RGMA: variants seen among roughly 807,000 people sequenced by gnomAD.
RGMA encodes repulsive guidance molecule A.
RGMA carries 10 observed loss-of-function variants against 23.2 expected under a neutral mutation model. The observed-to-expected ratio is 0.43, with a 90% confidence interval of 0.27 to 0.73. The LOEUF is 0.73. Ranked by LOEUF, RGMA falls within the 30% of genes least tolerant of loss-of-function variation. The pLI, the probability that RGMA is intolerant of heterozygous loss-of-function variation, is 0.20. For synonymous variants in RGMA, 308 were observed against 279.3 expected, an observed-to-expected ratio of 1.10 and a Z score of -1.03; for missense variants, 547 against 630.5, an observed-to-expected ratio of 0.87 and a Z score of 1.42.
In RGMA at chr15:93,041,461, A is replaced by G. The variant is rs1046112216; in HGVS notation, c.*3537T>C. 2 of 152,208 alleles carry G rather than the reference A, an allele frequency of 1.3e-5. No individual in the cohort carries two copies. Among genetic ancestry groups the G allele is most frequent in the Non-Finnish European group, 1.5e-5 (1 of 68,038 alleles). 9.4% of individuals were successfully genotyped at this position (152,208 alleles called of 1,614,324 possible). A position where few individuals can be genotyped will look rare whatever the true frequency, so the allele number is the denominator to read the frequency against. On this transcript the variant is annotated 3_prime_UTR_variant, in exon 4 of 4. Transcript: ENST00000329082. ...GTTCCATATTCACGACGGCATTTCC[A>G]TGCTCGTGAGGGCAACCAGTAGTAA...
intron 1 of RGMA, among the ~76,000 whole-genome samples, chr15:93,086,898 T>G (rs934231744): frequency 6.6e-6 from 1 of 152,184 alleles, no homozygotes; most frequent in African/African-American, 2.4e-5. Flanking sequence ...AGAGGTTTCT[T>G]AGCAAAAGTC....
intron 2 of RGMA, among the ~76,000 whole-genome samples, chr15:93,072,573 C>G (rs368480413): frequency 6.6e-6 from 1 of 152,294 alleles, no homozygotes; most frequent in African/African-American, 2.4e-5. Flanking sequence ...GCACCGAGGG[C>G]GTGCCTCCCC....
At chr15:93,057,355 G>A (rs148370815) in intron 2 of RGMA, among the ~76,000 whole-genome samples, 3 of 152,266 alleles carry the variant, frequency 2.0e-5, no homozygotes, top group East Asian at 1.9e-4. Context: ...GAGCCCCCAC[G>A]ACAGGGTTGG....
intron 3 of RGMA, among the ~76,000 whole-genome samples, chr15:93,047,695 A>G (rs2054847270): frequency 6.6e-6 from 1 of 151,984 alleles, no homozygotes. Flanking sequence ...AGCAAGGGGG[A>G]GCTGCTGATG....
intron 2 of RGMA, among the ~76,000 whole-genome samples, chr15:93,072,687 A>G (rs1428271745): frequency 1.3e-5 from 2 of 151,906 alleles, no homozygotes; most frequent in African/African-American, 4.8e-5. Context: ...CCCTCCCCAC[A>G]CGGCTCCATC....
At position 93,073,260 on chromosome 15, in the gene RGMA, GC is replaced by G. The variant is rs1226694360; in HGVS notation, c.15-230del. 6.2e-6 allele frequency: 6 copies of G among 965,796 alleles called. No homozygotes were observed. In the South Asian group the frequency reaches 3.0e-4, roughly 48 times the overall value. The allele number at this position is 965,796 out of a possible 1,614,324, so 59.8% of individuals were successfully genotyped here. A position where few individuals can be genotyped will look rare whatever the true frequency, so the allele number is the denominator to read the frequency against. On this transcript the variant is annotated intron_variant, in intron 1 of 3. Coordinates refer to ENST00000329082, the MANE Select transcript of RGMA (RefSeq NM_020211.3). ...CCCGCGCCCCAGCCGCCTGCGCACC[GC>G]CCCCTCGCGCTCGGGTTTCAGCGAG...
At chr15:93,073,524 A>C (rs1895410474) in intron 1 of RGMA, 1 of 1,436,194 alleles carries the variant, frequency 7.0e-7, no homozygotes, top group Non-Finnish European at 9.3e-7. Flanking sequence ...TATCCAATCC[A>C]AGTAGAAAAA....
intron 2 of RGMA, among the ~76,000 whole-genome samples, chr15:93,063,745 T>G (rs990415678): frequency 3.3e-5 from 5 of 152,198 alleles, no homozygotes; most frequent in Non-Finnish European, 7.4e-5. Flanking sequence ...TCCCACCCTT[T>G]GAATCCACTG....
chr15:93,087,480 A>AAAAAAAAC (rs1567198095), intron 1 of RGMA, among the ~76,000 whole-genome samples: 2 of 151,012 alleles, frequency 1.3e-5, no homozygotes, highest in African/African-American at 4.9e-5. Context: ...AAAAAAAAAA[A>AAAAAAAAC]AAAACCACAA....
rs770055915 is a variant in RGMA at position 93,051,997 on chromosome 15, C to T, written c.641G>A (p.Ser214Asn). 2 of 1,599,994 alleles carry T rather than the reference C, an allele frequency of 1.3e-6. No individual in the cohort carries two copies. Among genetic ancestry groups the T allele is most frequent in the Non-Finnish European group, 1.7e-6 (2 of 1,174,674 alleles). Reference sequence around the variant, plus strand: ...CAGCCGCCCCCTCCCCCTTACCTTGCTGGTGGCAGTGGCCGCTGAGCCGGG... The same window carrying T: ...CAGCCGCCCCCTCCCCCTTACCTTGTTGGTGGCAGTGGCCGCTGAGCCGGG... ...VLPGSAATAT[S>N]KLTIIFKNFQ... Residue 214 changes from serine (S) to asparagine (N), a missense_variant, in exon 3 of 4, where the codon AGC (serine) becomes AAC (asparagine). Physicochemically the swap from Ser to Asn is conservative, Grantham distance 46. Coordinates refer to ENST00000329082, the MANE Select transcript of RGMA (RefSeq NM_020211.3).
intron 2 of RGMA, among the ~76,000 whole-genome samples, chr15:93,068,873 G>A (rs1443262980): frequency 6.6e-6 from 1 of 152,232 alleles, no homozygotes; most frequent in Admixed American, 6.5e-5. Context: ...TCTGCCCTGT[G>A]AGGACAGAGC....
At chr15:93,053,590 A>T (rs982001643) in intron 2 of RGMA, among the ~76,000 whole-genome samples, 2 of 152,238 alleles carry the variant, frequency 1.3e-5, no homozygotes, top group African/African-American at 4.8e-5. Flanking sequence ...ATTGAGTTGC[A>T]CATAAAACCA....
chr15:93,072,458 G>T (rs530978947), intron 2 of RGMA, among the ~76,000 whole-genome samples: 2 of 152,188 alleles, frequency 1.3e-5, no homozygotes, highest in Non-Finnish European at 1.5e-5. Flanking sequence ...CGGGGAGGGG[G>T]CTGTCGGGAA....
rs1596075060 is a variant in RGMA, at chr15:93,043,419, C to T, written c.*1579G>A. The T allele has an allele frequency of 2.6e-5, 4 of 152,512 alleles. No homozygotes were observed. In the Middle Eastern group the frequency reaches 0.01, roughly 389 times the overall value. The allele number at this position is 152,512 out of a possible 1,614,324, so 9.4% of individuals were successfully genotyped here. A position where few individuals can be genotyped will look rare whatever the true frequency, so the allele number is the denominator to read the frequency against. On this transcript the variant is annotated 3_prime_UTR_variant, in exon 4 of 4. Coordinates refer to ENST00000329082, the MANE Select transcript of RGMA (RefSeq NM_020211.3). Reference sequence around the variant, plus strand: ...CTCCAACACGTCTAAAAGAAAATAACAAAAAAACCAAACTTTACTTGCATT... The same window carrying T: ...CTCCAACACGTCTAAAAGAAAATAATAAAAAAACCAAACTTTACTTGCATT...
chr15:93,075,381 G>T (rs1263351249), intron 1 of RGMA, among the ~76,000 whole-genome samples: 4 of 151,822 alleles, frequency 2.6e-5, no homozygotes, highest in Non-Finnish European at 4.4e-5. Context: ...TTCCTTTTTA[G>T]GAACAGTATC....
chr15:93,046,761 G>A (rs895180389), intron 3 of RGMA, among the ~76,000 whole-genome samples: 6 of 152,112 alleles, frequency 3.9e-5, no homozygotes, highest in African/African-American at 1.2e-4. Context: ...GCAAGGTGCT[G>A]GTCGGTAAAA....
chr15:93,041,664 G>C lies in RGMA; in HGVS notation c.*3334C>G, dbSNP rs560131078. The C allele has an allele frequency of 2.2e-4, 33 of 152,096 alleles. No individual in the cohort carries two copies. The highest frequency in any genetic ancestry group is 2.2e-3 in the Admixed American group (33 of 15,272). The allele number at this position is 152,096 out of a possible 1,614,324, so 9.4% of individuals were successfully genotyped here. A position where few individuals can be genotyped will look rare whatever the true frequency, so the allele number is the denominator to read the frequency against. On this transcript the variant is annotated 3_prime_UTR_variant, in exon 4 of 4. Transcript: ENST00000329082. Reference sequence around the variant, plus strand: ...TCAGGAACTGTTCTCTGTGCCGGACGAGCACCAATGGCTCCGCTCCTCCTT... The same window carrying C: ...TCAGGAACTGTTCTCTGTGCCGGACCAGCACCAATGGCTCCGCTCCTCCTT...
At position 93,052,087 on chromosome 15, in the gene RGMA, T is replaced by C; in HGVS notation, c.551A>G (p.Gln184Arg). The change falls in exon 3 of 4, where the codon CAG (glutamine) becomes CGG (arginine). Residue 184 changes from glutamine (Q) to arginine (R), a missense_variant. Gln to Arg is a conservative substitution (Grantham distance 43). Coordinates refer to ENST00000329082, the MANE Select transcript of RGMA (RefSeq NM_020211.3). ...FTDRFQTCKV[Q>R]GAWPLIDNNY... Reference sequence around the variant, plus strand: ...ATTGTCGATGAGCGGCCAGGCGCCCTGCACCTTGCAGGTCTGGAAGCGGTC... The same window carrying C: ...ATTGTCGATGAGCGGCCAGGCGCCCCGCACCTTGCAGGTCTGGAAGCGGTC... 1 of 1,613,564 alleles carries C rather than the reference T, an allele frequency of 6.2e-7. No homozygotes were observed. Among genetic ancestry groups the C allele is most frequent in the Non-Finnish European group, 8.5e-7 (1 of 1,179,718 alleles).
intron 2 of RGMA, chr15:93,066,633 G>A (rs1028914106): frequency 3.4e-5 from 15 of 442,618 alleles, no homozygotes; most frequent in East Asian, 7.0e-5. Flanking sequence ...CACCACCGCC[G>A]CCGCCTCCAC....
Sources: allele counts gnomAD v4.1 joint callset (sites outside exome capture counted in the v4.1 genomes callset), GRCh38; gene constraint gnomAD v4.1.1; transcripts MANE v1.5; gene names NCBI Gene and HGNC (gene_info 2026-07-23, HGNC 2026-07-21).